The following RREB1 variants were observed in gnomAD, a reference collection of about 807,000 sequenced individuals.
RREB1 encodes the protein ras responsive element binding protein 1, also known as ras-responsive element-binding protein 1.
A neutral mutation model predicts 117.8 loss-of-function variants in RREB1; 27 were observed. That is an observed-to-expected ratio of 0.23 (90% CI 0.17 to 0.32). RREB1 has a LOEUF of 0.32. RREB1 is among the 10% of genes least tolerant of loss of function. The pLI is 1.00. For missense variants in RREB1, 2,577 were observed against 2,378.2 expected (o/e 1.08, Z -1.74); for synonymous variants, 1,298 against 1,026.7 (o/e 1.26, Z -5.05).
rs1020511734 is a variant in RREB1, at chr6:7,137,631, A to G, written c.-285+29571A>G. Among the ~76,000 whole-genome samples the G allele has an allele frequency of 2.6e-4, 39 of 152,166 alleles. 1 individual carries two copies. The highest frequency in any genetic ancestry group is 1.2e-4 in the Non-Finnish European group (8 of 68,032). On this transcript the variant is annotated intron_variant, in intron 1 of 12. Transcript: ENST00000379938. ...GGAGTCATTTGCTCAAACTACTCCA[A>G]ACTTTTGTTTGGTCTACTGAAAACA...
In RREB1 at chr6:7,231,082, C is replaced by T; in HGVS notation, c.2983C>T (p.Pro995Ser). ...CGGAATCCTGGAAAGCCCCATGGCC[C>T]CTGCTCCGGCGGCCACCCCGGAACC... The part of the protein sequence containing the change: ...PSGILESPMA[P>S]APAATPEPPA... Residue 995 changes from proline (P) to serine (S), a missense_variant, in exon 10 of 13, where the codon CCT becomes TCT. Pro to Ser is a moderately conservative substitution (Grantham distance 74, BLOSUM62 -1). Transcript: ENST00000379938. 1.2e-6 allele frequency: 2 copies of T among 1,613,398 alleles called. No homozygotes were observed. The highest frequency in any genetic ancestry group is 1.7e-6 in the Non-Finnish European group (2 of 1,180,002).
intron 1 of RREB1, among the ~76,000 whole-genome samples, chr6:7,132,432 G>C (rs1054030797): frequency 6.6e-6 from 1 of 152,038 alleles, no homozygotes; most frequent in Admixed American, 6.5e-5. Flanking sequence ...TTCTAAAGTG[G>C]TGGGATTAGA....
chr6:7,139,482 T>C (rs1039386896), intron 1 of RREB1, among the ~76,000 whole-genome samples: 1 of 152,228 alleles, frequency 6.6e-6, no homozygotes, highest in Non-Finnish European at 1.5e-5. Flanking sequence ...AAGTTAACTT[T>C]ACATTTGGAG....
At chr6:7,108,850 C>A (rs1413575561) in intron 1 of RREB1, 1 of 151,860 alleles carries the variant, frequency 6.6e-6, no homozygotes, top group Non-Finnish European at 1.5e-5. Flanking sequence ...CAGCCCCGCG[C>A]CCTCGCGGGT....
At chr6:7,205,167 G>A (rs1766202856) in intron 6 of RREB1, among the ~76,000 whole-genome samples, 1 of 152,206 alleles carries the variant, frequency 6.6e-6, no homozygotes, top group Non-Finnish European at 1.5e-5. Flanking sequence ...CACTTAAGCA[G>A]GCTTCAGTAT....
chr6:7,135,014 T>C (rs1581430665), intron 1 of RREB1, among the ~76,000 whole-genome samples: 1 of 152,238 alleles, frequency 6.6e-6, no homozygotes, highest in South Asian at 2.1e-4. Flanking sequence ...AGCCAGATTG[T>C]AAGAAACATT....
chr6:7,123,371 A>G (rs936879663), intron 1 of RREB1, among the ~76,000 whole-genome samples: 38 of 152,202 alleles, frequency 2.5e-4, no homozygotes, highest in African/African-American at 8.7e-4. Context: ...TGTGTTGCCC[A>G]GGCTGGTCTC....
chr6:7,152,255 A>G (rs1167572170), intron 1 of RREB1, among the ~76,000 whole-genome samples: 3 of 152,226 alleles, frequency 2.0e-5, no homozygotes, highest in African/African-American at 7.2e-5. Flanking sequence ...AAAAGTACAG[A>G]AATAATCCTG....
intron 1 of RREB1, among the ~76,000 whole-genome samples, chr6:7,170,834 G>T (rs1302880841): frequency 6.6e-6 from 1 of 152,220 alleles, no homozygotes; most frequent in Admixed American, 6.5e-5. Context: ...ACTAAAGGAA[G>T]GTTTTCAGTG....
At chr6:7,167,611 G>A (rs1293954901) in intron 1 of RREB1, among the ~76,000 whole-genome samples, 3 of 152,064 alleles carry the variant, frequency 2.0e-5, no homozygotes, top group South Asian at 2.1e-4. Flanking sequence ...CGCCTCAGGC[G>A]TGAGCCACCG....
chr6:7,125,698 G>A (rs1160631426), intron 1 of RREB1, among the ~76,000 whole-genome samples: 1 of 152,132 alleles, frequency 6.6e-6, no homozygotes, highest in African/African-American at 2.4e-5. Context: ...CTGGTATTGG[G>A]GTGATTGTAA....
intron 1 of RREB1, among the ~76,000 whole-genome samples, chr6:7,117,097 G>GTATAAATCTTGCTT (rs969258322): frequency 3.3e-5 from 5 of 152,118 alleles, no homozygotes; most frequent in Admixed American, 3.3e-4. Context: ...AATCTACAGG[G>GTATAAATCTTGCTT]TATAAATCTT....
intron 1 of RREB1, among the ~76,000 whole-genome samples, chr6:7,141,103 C>T (rs948225483): frequency 4.9e-4 from 74 of 152,334 alleles, no homozygotes; most frequent in African/African-American, 1.7e-3. Flanking sequence ...CGACTGCCCG[C>T]GTCAGGGCTC....
chr6:7,126,792 T>A (rs1385665537), intron 1 of RREB1, among the ~76,000 whole-genome samples: 1 of 152,174 alleles, frequency 6.6e-6, no homozygotes, highest in Non-Finnish European at 1.5e-5. Flanking sequence ...CAAGCCTGCA[T>A]CAAGAACCGT....
intron 1 of RREB1, among the ~76,000 whole-genome samples, chr6:7,157,722 A>G (rs932826833): frequency 6.6e-6 from 1 of 151,572 alleles, no homozygotes; most frequent in East Asian, 1.9e-4. Context: ...AGTGAGCCAT[A>G]CTCCAACCTG....
At chr6:7,203,358 AAAAAG>A (rs1160331002) in intron 6 of RREB1, among the ~76,000 whole-genome samples, 1 of 152,210 alleles carries the variant, frequency 6.6e-6, no homozygotes, top group Non-Finnish European at 1.5e-5. Context: ...TTCTATTTCC[AAAAAG>A]AAAAGAATAC....
At chr6:7,185,462 T>C (rs899127205) in intron 4 of RREB1, among the ~76,000 whole-genome samples, 5 of 152,004 alleles carry the variant, frequency 3.3e-5, no homozygotes, top group Admixed American at 2.6e-4. Context: ...CCCACCTACT[T>C]GGGAGGTTGA....
intron 6 of RREB1, among the ~76,000 whole-genome samples, chr6:7,198,629 G>A (rs1040149352): frequency 5.3e-5 from 8 of 152,122 alleles, no homozygotes; most frequent in Non-Finnish European, 8.8e-5. Flanking sequence ...TATGTTGGGC[G>A]TTTAGTGAAT....
At chr6:7,175,571 G>A (rs768644843) in intron 1 of RREB1, among the ~76,000 whole-genome samples, 3 of 152,158 alleles carry the variant, frequency 2.0e-5, no homozygotes, top group Admixed American at 6.5e-5. Context: ...TGTCCGTGTG[G>A]GGTTTATTTT....
Sources: allele counts gnomAD v4.1 joint callset (sites outside exome capture counted in the v4.1 genomes callset), GRCh38; gene constraint gnomAD v4.1.1; transcripts MANE v1.5; gene names NCBI Gene and HGNC (gene_info 2026-07-23, HGNC 2026-07-21).